The following ELF1 variants were observed in gnomAD, a reference collection of about 807,000 sequenced individuals.
The protein encoded by ELF1 is ETS-related transcription factor Elf-1.
In ELF1, 24 loss-of-function variants were observed where a neutral mutation model predicts 59.9. The observed-to-expected ratio is 0.40, with a 90% confidence interval of 0.29 to 0.56. ELF1 has a LOEUF of 0.56. Ranked by LOEUF, ELF1 falls within the 20% of genes least tolerant of loss-of-function variation. The pLI, the probability that ELF1 is intolerant of heterozygous loss-of-function variation, is 0.44. For synonymous variants in ELF1, 248 were observed against 266.2 expected, an observed-to-expected ratio of 0.93 and a Z score of 0.67; for missense variants, 627 against 742.2, an observed-to-expected ratio of 0.84 and a Z score of 1.80.
chr13:40,974,687 C>T (rs1477737902), intron 2 of ELF1, among the ~76,000 whole-genome samples: 1 of 152,114 alleles, frequency 6.6e-6, no homozygotes, highest in Non-Finnish European at 1.5e-5. Flanking sequence ...GACGTTATCC[C>T]TGGGCCTCTG....
At chr13:41,026,429 G>A (rs942296124) in intron 1 of ELF1, among the ~76,000 whole-genome samples, 1 of 152,196 alleles carries the variant, frequency 6.6e-6, no homozygotes, top group Non-Finnish European at 1.5e-5. Flanking sequence ...GCCCAGAATA[G>A]AAGGCTCTGT....
At chr13:40,947,631 G>A (rs980664500) in intron 5 of ELF1, among the ~76,000 whole-genome samples, 9 of 152,146 alleles carry the variant, frequency 5.9e-5, no homozygotes, top group African/African-American at 2.2e-4. Flanking sequence ...TGTAGCCCCA[G>A]GACTGTAATA....
chr13:41,059,891 A>T (rs1877436181), intron 1 of ELF1, among the ~76,000 whole-genome samples: 1 of 152,156 alleles, frequency 6.6e-6, no homozygotes. Flanking sequence ...CTTTAAATCA[A>T]CCGCGCTCAA....
intron 1 of ELF1, among the ~76,000 whole-genome samples, chr13:41,003,734 T>G (rs577075532): frequency 6.6e-6 from 1 of 152,146 alleles, no homozygotes; most frequent in Non-Finnish European, 1.5e-5. Flanking sequence ...TTTTCCAGAT[T>G]GAAGCCAAAA....
intron 5 of ELF1, among the ~76,000 whole-genome samples, chr13:40,949,268 G>C (rs1336633457): frequency 6.6e-6 from 1 of 151,856 alleles, no homozygotes; most frequent in Non-Finnish European, 1.5e-5. Context: ...TTAAAGGCAT[G>C]AGCCACCGCA....
chr13:40,998,437 G>A (rs1042020495), intron 1 of ELF1, among the ~76,000 whole-genome samples: 1 of 152,170 alleles, frequency 6.6e-6, no homozygotes, highest in Non-Finnish European at 1.5e-5. Context: ...TAGCCTAGGT[G>A]TGTAGTAGGC....
intron 1 of ELF1, among the ~76,000 whole-genome samples, chr13:41,050,101 T>C (rs370336007): frequency 1.3e-5 from 2 of 152,210 alleles, no homozygotes; most frequent in Non-Finnish European, 2.9e-5. Context: ...TACATTCACA[T>C]TGTGGTGCAA....
chr13:41,011,211 T>A (rs1290208755), intron 1 of ELF1, among the ~76,000 whole-genome samples: 1 of 152,178 alleles, frequency 6.6e-6, no homozygotes, highest in South Asian at 2.1e-4. Context: ...TTTATGAATG[T>A]TTTTGTTTTG....
chr13:40,976,307 C>T (rs906637394), intron 2 of ELF1, among the ~76,000 whole-genome samples: 10 of 152,194 alleles, frequency 6.6e-5, no homozygotes, highest in Non-Finnish European at 1.5e-5. Flanking sequence ...GTACACTCTA[C>T]TGCTCTAGAA....
intron 7 of ELF1, among the ~76,000 whole-genome samples, chr13:40,942,427 T>A (rs1027567358): frequency 1.3e-4 from 20 of 152,242 alleles, no homozygotes; most frequent in African/African-American, 4.3e-4. Context: ...TTACTCTTGT[T>A]CAAAATTCTC....
intron 2 of ELF1, among the ~76,000 whole-genome samples, chr13:40,977,024 C>T (rs1476555926): frequency 2.0e-5 from 3 of 151,846 alleles, no homozygotes; most frequent in African/African-American, 4.8e-5. Context: ...CTATTAAACA[C>T]AAATATGATT....
chr13:40,938,398 ATGAG>A (rs1444173359), intron 8 of ELF1, among the ~76,000 whole-genome samples: 1 of 152,256 alleles, frequency 6.6e-6, no homozygotes, highest in Non-Finnish European at 1.5e-5. Flanking sequence ...ATAAAAAGAA[ATGAG>A]TGAAGGACAA....
At chr13:41,036,117 C>T (rs1473291063) in intron 1 of ELF1, among the ~76,000 whole-genome samples, 2 of 151,788 alleles carry the variant, frequency 1.3e-5, no homozygotes, top group Admixed American at 6.6e-5. Flanking sequence ...AGGATTTCAC[C>T]GTGTTAGCCA....
chr13:40,952,802 G>A (rs764433250), intron 3 of ELF1, among the ~76,000 whole-genome samples: 1 of 151,962 alleles, frequency 6.6e-6, no homozygotes, highest in Non-Finnish European at 1.5e-5. Flanking sequence ...ATCACCAAAT[G>A]GCCAATCTTC....
At chr13:41,016,947 A>AATATATATATATATAT (rs1276103107) in intron 1 of ELF1, among the ~76,000 whole-genome samples, 2 of 24,726 alleles carry the variant, frequency 8.1e-5, no homozygotes, top group Admixed American at 7.0e-4. Flanking sequence ...AAAAAAAAAA[A>AATATATATATATATAT]ATATATATAT....
At chr13:40,934,766 C>T (rs971287338) in intron 8 of ELF1, among the ~76,000 whole-genome samples, 8 of 152,118 alleles carry the variant, frequency 5.3e-5, no homozygotes, top group Admixed American at 4.6e-4. Flanking sequence ...TGCTCATCCA[C>T]AATAATTACC....
chr13:40,993,881 T>G (rs1402913072), intron 1 of ELF1, among the ~76,000 whole-genome samples: 1 of 150,502 alleles, frequency 6.6e-6, no homozygotes, highest in Non-Finnish European at 1.5e-5. Context: ...TATTTTTATG[T>G]AAATAAAGCA....
chr13:41,054,195 T>C (rs760685008), intron 1 of ELF1, among the ~76,000 whole-genome samples: 3 of 152,224 alleles, frequency 2.0e-5, no homozygotes, highest in Non-Finnish European at 4.4e-5. Flanking sequence ...TCTTGAATCA[T>C]TGCAGCTTTT....
chr13:40,955,960 C>CA (rs1313571773), intron 3 of ELF1, among the ~76,000 whole-genome samples: 20 of 90,956 alleles, frequency 2.2e-4, no homozygotes, highest in Non-Finnish European at 4.5e-4. Context: ...GGGGGGTCAG[C>CA]CCCCCGCCCG....
Sources: allele counts gnomAD v4.1 joint callset (sites outside exome capture counted in the v4.1 genomes callset), GRCh38; gene constraint gnomAD v4.1.1; transcripts MANE v1.5; gene names NCBI Gene and HGNC (gene_info 2026-07-23, HGNC 2026-07-21).